Variants in CCSER1 observed in about 807,000 individuals in gnomAD.
CCSER1 encodes the protein serine-rich coiled-coil domain-containing protein 1.
CCSER1 carries 41 observed loss-of-function variants against 82.0 expected under a neutral mutation model. The ratio of observed to expected loss-of-function variants is 0.50; its 90% CI spans 0.39 to 0.65. The LOEUF (loss-of-function observed/expected upper bound fraction) is 0.65, where lower values mean the gene tolerates loss of function less well. Ranked by LOEUF, CCSER1 falls within the 30% of genes least tolerant of loss-of-function variation. The pLI, the probability that CCSER1 is intolerant of heterozygous loss-of-function variation, is 0.00. For synonymous variants in CCSER1, 414 were observed against 383.9 expected (o/e 1.08, Z -0.92); for missense variants, 1,119 against 1,064.2 (o/e 1.05, Z -0.72).
intron 10 of CCSER1, among the ~76,000 whole-genome samples, chr4:91,153,783 C>A (rs926512354): frequency 6.6e-6 from 1 of 151,922 alleles, no homozygotes; most frequent in Non-Finnish European, 1.5e-5. Flanking sequence ...CACTCCAGAC[C>A]CTGTTTGCCT....
chr4:90,825,644 G>A (rs920859635), intron 8 of CCSER1, among the ~76,000 whole-genome samples: 5 of 151,790 alleles, frequency 3.3e-5, no homozygotes, highest in Admixed American at 2.0e-4. Flanking sequence ...TGAATTTGTG[G>A]CATCTCATAT....
chr4:90,803,818 A>G (rs1255685408), intron 7 of CCSER1, among the ~76,000 whole-genome samples: 1 of 152,028 alleles, frequency 6.6e-6, no homozygotes, highest in Non-Finnish European at 1.5e-5. Flanking sequence ...ACTAATTTAC[A>G]CTCCCACCAA....
At chr4:91,043,347 C>T (rs1466816469) in intron 9 of CCSER1, among the ~76,000 whole-genome samples, 1 of 151,814 alleles carries the variant, frequency 6.6e-6, no homozygotes, top group Non-Finnish European at 1.5e-5. Flanking sequence ...CTAGAAAGAA[C>T]AAAAGAGAAA....
chr4:90,391,485 T>TATACAC (rs1438072458), intron 3 of CCSER1, among the ~76,000 whole-genome samples: 81 of 76,612 alleles, frequency 1.1e-3, no homozygotes, highest in Non-Finnish European at 1.5e-3. Context: ...TATATATATA[T>TATACAC]ACACACACAC....
chr4:90,628,357 T>C, intron 6 of CCSER1, 125 bp downstream of exon 6: 1 of 678,362 alleles, frequency 1.5e-6, no homozygotes, highest in South Asian at 1.9e-5. Context: ...GGTTTCCTCT[T>C]GGAGCTTAGC....
chr4:90,837,646 C>G (rs761396452), intron 8 of CCSER1, among the ~76,000 whole-genome samples: 1 of 152,036 alleles, frequency 6.6e-6, no homozygotes, highest in Non-Finnish European at 1.5e-5. Flanking sequence ...AATCATGAGA[C>G]AGCAGTGTAA....
At chr4:90,695,120 T>G (rs1044641179) in intron 6 of CCSER1, among the ~76,000 whole-genome samples, 28 of 150,416 alleles carry the variant, frequency 1.9e-4, no homozygotes, top group African/African-American at 6.3e-4. Flanking sequence ...CCATACACTT[T>G]GGCAACTATT....
At chr4:91,493,610 C>T (rs1028013689) in intron 10 of CCSER1, among the ~76,000 whole-genome samples, 1 of 151,620 alleles carries the variant, frequency 6.6e-6, no homozygotes, top group Non-Finnish European at 1.5e-5. Context: ...ATTCTCATAG[C>T]CAAATTATAC....
rs1733697288 is a variant in CCSER1, at chr4:91,178,891, T to A, written c.2217+92897T>A. Among the ~76,000 whole-genome samples, 4 of 152,176 alleles carry A rather than the reference T, an allele frequency of 2.6e-5. No homozygotes were observed. In the South Asian group the frequency reaches 8.3e-4, roughly 32 times the overall value. On this transcript the variant is annotated intron_variant, in intron 10 of 10. Transcript: ENST00000509176. ...TCATTATTTGATGCAGTTTCTTCCT[T>A]GCATTGATGGTTTTTACAATTTGTC...
Position 90,759,136 on chromosome 4 carries a change from C to G in CCSER1, c.2010+35145C>G, listed in dbSNP as rs186585248. ...TTCTCTTAGCCGTATTTCTAGACAC[C>G]AACGCTTCCTCCCAAGTAGTAGATA... is the stretch of plus-strand genomic sequence containing the variant. On this transcript the variant is annotated intron_variant, in intron 7 of 10. Transcript: ENST00000509176. Among the ~76,000 whole-genome samples, 188 of 152,148 alleles carry G rather than the reference C, an allele frequency of 1.2e-3. 1 individual carries two copies. In the South Asian group the frequency reaches 0.02, roughly 16 times the overall value.
intron 1 of CCSER1, among the ~76,000 whole-genome samples, chr4:90,205,723 G>A (rs1183888605): frequency 6.6e-6 from 1 of 152,140 alleles, no homozygotes; most frequent in Non-Finnish European, 1.5e-5. Flanking sequence ...AAACAAGTTA[G>A]GGAGGAGTCC....
chr4:91,461,546 T>C (rs1339315042), intron 10 of CCSER1, among the ~76,000 whole-genome samples: 1 of 152,152 alleles, frequency 6.6e-6, no homozygotes, highest in Non-Finnish European at 1.5e-5. Context: ...TACCAGGACG[T>C]CCTTTTATCA....
intron 5 of CCSER1, among the ~76,000 whole-genome samples, chr4:90,593,118 T>G (rs1782904344): frequency 6.6e-6 from 1 of 152,206 alleles, no homozygotes; most frequent in Non-Finnish European, 1.5e-5. Flanking sequence ...CAAAAATTAC[T>G]ATTTCAATGG....
intron 1 of CCSER1, among the ~76,000 whole-genome samples, chr4:90,294,911 AT>A (rs1731588231): frequency 1.3e-5 from 2 of 152,006 alleles, no homozygotes; most frequent in Non-Finnish European, 2.9e-5. Context: ...AATATTATAC[AT>A]ACTATTTGAT....
chr4:91,551,272 CA>C (rs1174621301), intron 10 of CCSER1, among the ~76,000 whole-genome samples: 1 of 152,036 alleles, frequency 6.6e-6, no homozygotes, highest in Non-Finnish European at 1.5e-5. Context: ...TTTTGCTATA[CA>C]GTGCCTTTAT....
chr4:90,531,174 C>T (rs1450275160), intron 5 of CCSER1, among the ~76,000 whole-genome samples: 11 of 150,638 alleles, frequency 7.3e-5, no homozygotes, highest in Admixed American at 7.3e-4. Flanking sequence ...TTTTTTTTAA[C>T]CCCCCAAGGA....
At chr4:90,141,573 T>C (rs981202584) in intron 1 of CCSER1, among the ~76,000 whole-genome samples, 6 of 152,224 alleles carry the variant, frequency 3.9e-5, no homozygotes, top group Non-Finnish European at 8.8e-5. Context: ...CAAGAGACAA[T>C]GCTATGCAAT....
At chr4:90,263,506 G>T (rs1307340326) in intron 1 of CCSER1, among the ~76,000 whole-genome samples, 2 of 152,192 alleles carry the variant, frequency 1.3e-5, no homozygotes, top group African/African-American at 4.8e-5. Flanking sequence ...AACTTGTCAT[G>T]TGGACAGACT....
chr4:90,276,582 T>C (rs181358565), intron 1 of CCSER1, among the ~76,000 whole-genome samples: 3 of 151,808 alleles, frequency 2.0e-5, no homozygotes, highest in Non-Finnish European at 2.9e-5. Flanking sequence ...CTGGCCTCAG[T>C]TGATCCACCT....
Sources: gnomAD v4.1 joint callset for allele counts (sites outside exome capture counted in the v4.1 genomes callset) on GRCh38, gnomAD v4.1.1 for gene constraint, MANE v1.5 for transcripts, NCBI Gene and HGNC (gene_info 2026-07-23, HGNC 2026-07-21) for gene names.